The following RBFOX1 variants were observed in gnomAD, a reference collection of about 807,000 sequenced individuals.
RBFOX1 encodes RNA binding protein fox-1 homolog 1.
RBFOX1 carries 8 observed loss-of-function variants against 57.7 expected under a neutral mutation model. The ratio of observed to expected loss-of-function variants is 0.14; its 90% CI spans 0.08 to 0.25. The LOEUF is 0.25. Ranked by LOEUF, RBFOX1 falls within the 10% of genes least tolerant of loss-of-function variation. The pLI is 1.00. For missense variants in RBFOX1, 611 were observed against 548.5 expected, an observed-to-expected ratio of 1.11 and a Z score of -1.14; for synonymous variants, 326 against 222.4, an observed-to-expected ratio of 1.47 and a Z score of -4.15.
At position 7,020,937 on chromosome 16, in the gene RBFOX1, G is replaced by A. The variant is rs149940375; in HGVS notation, c.-15-31120G>A. ...AGGCCAGGAGTTCTAGACCAGCATG[G>A]CCAACATGGTGAAATCCTGTCTCTA... is the stretch of plus-strand genomic sequence containing the variant. On this transcript the variant is annotated intron_variant, in intron 3 of 15. Transcript: ENST00000550418. Among the ~76,000 whole-genome samples, 1,434 of 152,222 alleles carry A rather than the reference G, an allele frequency of 9.4e-3. 27 individuals are homozygous for A. The highest frequency in any genetic ancestry group is 0.033 in the African/African-American group (1,362 of 41,534).
intron 2 of RBFOX1, among the ~76,000 whole-genome samples, chr16:5,474,480 C>G (rs1330553878): frequency 2.0e-5 from 3 of 152,074 alleles, no homozygotes; most frequent in Admixed American, 6.5e-5. Context: ...ATGGTGAAAC[C>G]CCGTCTCTAC....
intron 3 of RBFOX1, among the ~76,000 whole-genome samples, chr16:5,642,898 G>T (rs1017594425): frequency 6.6e-6 from 1 of 152,120 alleles, no homozygotes; most frequent in African/African-American, 2.4e-5. Context: ...CAAAAGCTAG[G>T]CTCCTTGCCT....
chr16:5,338,699 C>T (rs984312031), intron 1 of RBFOX1, among the ~76,000 whole-genome samples: 1 of 152,146 alleles, frequency 6.6e-6, no homozygotes, highest in African/African-American at 2.4e-5. Flanking sequence ...GAATCTATCA[C>T]CCAGGCTGGA....
At chr16:5,870,481 G>T (rs999203362) in intron 4 of RBFOX1, among the ~76,000 whole-genome samples, 7 of 151,944 alleles carry the variant, frequency 4.6e-5, no homozygotes, top group Non-Finnish European at 1.0e-4. Flanking sequence ...GGTCATGGTG[G>T]GGGTAAGTGA....
chr16:7,577,366 C>G (rs752576695), intron 5 of RBFOX1, among the ~76,000 whole-genome samples: 27 of 152,164 alleles, frequency 1.8e-4, no homozygotes, highest in Non-Finnish European at 3.1e-4. Context: ...CCTCATCTGA[C>G]CAGTGGTGCT....
intron 3 of RBFOX1, among the ~76,000 whole-genome samples, chr16:6,946,332 C>A (rs74393459): frequency 0.01 from 1,570 of 152,288 alleles, 29 homozygotes; most frequent in African/African-American, 0.035. Flanking sequence ...CAAAAATAGT[C>A]AGTGGGCCAG....
In RBFOX1 at chr16:6,192,053, T is replaced by C. The variant is rs539097360; in HGVS notation, c.-126-124942T>C. On this transcript the variant is annotated intron_variant, in intron 1 of 15. Transcript: ENST00000550418. ...ACATTTCTGTTACTTCTAGGCATAA[T>C]TTTCAGGACTAAGGAATTCAGCATG... is the stretch of plus-strand genomic sequence containing the variant. Among the ~76,000 whole-genome samples the C allele has an allele frequency of 3.3e-5, 5 of 152,312 alleles. No homozygotes were observed. In the South Asian group the frequency reaches 1.0e-3, roughly 32 times the overall value.
intron 1 of RBFOX1, among the ~76,000 whole-genome samples, chr16:6,062,865 G>A (rs1463518269): frequency 6.6e-6 from 1 of 152,192 alleles, no homozygotes; most frequent in Non-Finnish European, 1.5e-5. Flanking sequence ...GAGAGTTGAT[G>A]TTGTAGTCTT....
intron 4 of RBFOX1, among the ~76,000 whole-genome samples, chr16:5,999,776 G>C (rs1369457791): frequency 6.7e-6 from 1 of 149,708 alleles, no homozygotes; most frequent in Non-Finnish European, 1.5e-5. Flanking sequence ...CAGGAGAATG[G>C]CGTGAACCTG....
chr16:7,117,699 C>T (rs562016164), intron 4 of RBFOX1, among the ~76,000 whole-genome samples: 1 of 152,306 alleles, frequency 6.6e-6, no homozygotes, highest in East Asian at 1.9e-4. Flanking sequence ...CTTTTGTTAT[C>T]TAACAGTTTC....
chr16:7,192,028 A>C (rs772255811), intron 4 of RBFOX1, among the ~76,000 whole-genome samples: 8 of 152,222 alleles, frequency 5.3e-5, no homozygotes, highest in Non-Finnish European at 1.2e-4. Flanking sequence ...ATTTTATTAG[A>C]GGGAAACAGT....
At chr16:6,787,943 C>T (rs2082237940) in intron 3 of RBFOX1, among the ~76,000 whole-genome samples, 2 of 152,154 alleles carry the variant, frequency 1.3e-5, no homozygotes, top group South Asian at 4.1e-4. Context: ...GCCAATGAGG[C>T]CGGGCACGGT....
chr16:5,668,603 G>A (rs1420877072), intron 3 of RBFOX1, among the ~76,000 whole-genome samples: 2 of 152,168 alleles, frequency 1.3e-5, no homozygotes, highest in African/African-American at 4.8e-5. Context: ...AGGCTTTGGG[G>A]GAAGTGACAG....
Position 7,335,635 on chromosome 16 carries a change from G to T in RBFOX1, c.28-182512G>T, listed in dbSNP as rs185105450. Among the ~76,000 whole-genome samples the T allele has an allele frequency of 1.9e-3, 282 of 149,366 alleles. 1 individual carries two copies. The highest frequency in any genetic ancestry group is 6.3e-3 in the African/African-American group (257 of 40,702). ...CCAAGTGATTTACCAGTCATTTGGT[G>T]TGCCAGACTTTAAGACGGCATCCAC... On this transcript the variant is annotated intron_variant, in intron 4 of 15. Coordinates refer to ENST00000550418, the MANE Select transcript of RBFOX1 (RefSeq NM_018723.4).
intron 4 of RBFOX1, among the ~76,000 whole-genome samples, chr16:7,191,393 A>C (rs1019186242): frequency 6.6e-6 from 1 of 152,142 alleles, no homozygotes; most frequent in Non-Finnish European, 1.5e-5. Flanking sequence ...TTTACAATAC[A>C]CTGTGACAAA....
chr16:7,626,123 A>C (rs1176714707), intron 10 of RBFOX1, among the ~76,000 whole-genome samples: 1 of 152,248 alleles, frequency 6.6e-6, no homozygotes, highest in Non-Finnish European at 1.5e-5. Flanking sequence ...TTCCTGGAAA[A>C]AGACAAAGCC....
intron 3 of RBFOX1, among the ~76,000 whole-genome samples, chr16:6,841,325 A>T (rs559064948): frequency 6.6e-6 from 1 of 152,314 alleles, no homozygotes; most frequent in East Asian, 1.9e-4. Context: ...GTGGTTTTAG[A>T]CAGCAAACAT....
intron 3 of RBFOX1, among the ~76,000 whole-genome samples, chr16:6,694,427 C>A (rs930201764): frequency 1.3e-5 from 2 of 152,164 alleles, no homozygotes; most frequent in African/African-American, 2.4e-5. Flanking sequence ...GTTGGTCTTA[C>A]CATGTGAACA....
At chr16:6,812,905 G>A (rs1169568890) in intron 3 of RBFOX1, among the ~76,000 whole-genome samples, 1 of 152,194 alleles carries the variant, frequency 6.6e-6, no homozygotes, top group Admixed American at 6.5e-5. Context: ...GAGTGACGAT[G>A]TTTCTAGAGG....
Sources: allele counts gnomAD v4.1 joint callset (sites outside exome capture counted in the v4.1 genomes callset), GRCh38; gene constraint gnomAD v4.1.1; transcripts MANE v1.5; gene names NCBI Gene and HGNC (gene_info 2026-07-23, HGNC 2026-07-21).